Variants in PTPRD observed in about 807,000 individuals in gnomAD.
PTPRD encodes protein tyrosine phosphatase receptor type D, also known as receptor-type tyrosine-protein phosphatase delta.
Under a neutral mutation model 214.5 loss-of-function variants are expected in PTPRD, and 34 were observed. That is an observed-to-expected ratio of 0.16 (90% CI 0.12 to 0.21). PTPRD has a LOEUF of 0.21. Ranked by LOEUF, PTPRD falls within the 10% of genes least tolerant of loss-of-function variation. PTPRD has a pLI of 1.00. For synonymous variants in PTPRD, 1,128 were observed against 845.7 expected (o/e 1.33, Z -5.79); for missense variants, 2,545 against 2,398.7 (o/e 1.06, Z -1.27).
chr9:9,342,863 C>T (rs1212887888), intron 9 of PTPRD, among the ~76,000 whole-genome samples: 1 of 152,096 alleles, frequency 6.6e-6, no homozygotes, highest in African/African-American at 2.4e-5. Flanking sequence ...CTCCCCTAGC[C>T]CCCTACCCCG....
chr9:10,347,977 G>C (rs1165068596), intron 2 of PTPRD, among the ~76,000 whole-genome samples: 2 of 152,032 alleles, frequency 1.3e-5, no homozygotes, highest in Non-Finnish European at 2.9e-5. Context: ...AGAATCGCTT[G>C]AACCCAGGAG....
At chr9:10,139,892 G>A (rs1051174758) in intron 3 of PTPRD, among the ~76,000 whole-genome samples, 2 of 152,040 alleles carry the variant, frequency 1.3e-5, no homozygotes, top group Non-Finnish European at 2.9e-5. Context: ...ATTAACTTAT[G>A]ACAGATTAAT....
chr9:9,490,250 A>T (rs2095841861), intron 8 of PTPRD, among the ~76,000 whole-genome samples: 1 of 152,124 alleles, frequency 6.6e-6, no homozygotes, highest in African/African-American at 2.4e-5. Context: ...CTGCAAAAAA[A>T]GCTCAAGGGA....
chr9:9,030,517 C>T (rs375118), intron 10 of PTPRD, among the ~76,000 whole-genome samples: 1 of 151,694 alleles, frequency 6.6e-6, no homozygotes, highest in East Asian at 2.0e-4. Context: ...CATCTGGCTG[C>T]CTCTCTAGGA....
intron 8 of PTPRD, among the ~76,000 whole-genome samples, chr9:9,456,919 AAAC>A (rs2093087737): frequency 6.6e-6 from 1 of 151,700 alleles, no homozygotes; most frequent in Admixed American, 6.6e-5. Context: ...GGATAGGAAA[AAAC>A]AAAGTAAAGA....
At chr9:9,497,363 T>C (rs987259236) in intron 8 of PTPRD, among the ~76,000 whole-genome samples, 3 of 152,302 alleles carry the variant, frequency 2.0e-5, no homozygotes, top group Middle Eastern at 3.4e-3. Flanking sequence ...TTCTCTAGTC[T>C]ATATTTTGGT....
At chr9:9,838,764 A>G (rs567433626) in intron 5 of PTPRD, among the ~76,000 whole-genome samples, 31 of 152,220 alleles carry the variant, frequency 2.0e-4, no homozygotes, top group African/African-American at 7.2e-4. Context: ...GAAACTCTTT[A>G]GTTTAATTAG....
intron 11 of PTPRD, among the ~76,000 whole-genome samples, chr9:8,924,175 A>C (rs2154273904): frequency 6.6e-6 from 1 of 152,292 alleles, no homozygotes; most frequent in Middle Eastern, 3.4e-3. Context: ...TGCTTCTGAG[A>C]AAGGGAGTTT....
At chr9:10,269,160 T>C (rs2094276135) in intron 3 of PTPRD, among the ~76,000 whole-genome samples, 1 of 151,480 alleles carries the variant, frequency 6.6e-6, no homozygotes, top group African/African-American at 2.4e-5. Context: ...ACCTTGAACA[T>C]ACCAGATTAA....
chr9:9,863,084 G>C (rs1180239586), intron 5 of PTPRD, among the ~76,000 whole-genome samples: 2 of 152,106 alleles, frequency 1.3e-5, no homozygotes, highest in Admixed American at 6.5e-5. Flanking sequence ...ATATTTGAGT[G>C]CCTGAAGTAT....
chr9:9,942,535 A>T (rs186570673), intron 4 of PTPRD, among the ~76,000 whole-genome samples: 22 of 152,272 alleles, frequency 1.4e-4, no homozygotes, highest in African/African-American at 5.1e-4. Flanking sequence ...GTCAAGGGGC[A>T]AATGAATCTG....
intron 12 of PTPRD, 67 bp downstream of exon 12, chr9:8,733,713 G>C (rs2098686360): frequency 6.7e-7 from 1 of 1,487,062 alleles, no homozygotes; most frequent in Non-Finnish European, 9.2e-7. Context: ...CCCTGAGCCT[G>C]GTGCCAACTG....
chr9:10,607,147 G>T (rs1207532551), intron 2 of PTPRD, among the ~76,000 whole-genome samples: 2 of 151,764 alleles, frequency 1.3e-5, no homozygotes, highest in Non-Finnish European at 1.5e-5. Flanking sequence ...AGCATCTAAT[G>T]TAAGTAAATG....
chr9:9,933,813 A>C (rs1384607345), intron 5 of PTPRD, among the ~76,000 whole-genome samples: 2 of 149,590 alleles, frequency 1.3e-5, no homozygotes, highest in Admixed American at 6.6e-5. Context: ...TCCAAAATTG[A>C]CCACATACTT....
At chr9:8,617,195 A>G (rs2095641293) in intron 14 of PTPRD, among the ~76,000 whole-genome samples, 2 of 152,148 alleles carry the variant, frequency 1.3e-5, no homozygotes, top group African/African-American at 4.8e-5. Context: ...TCAATGAGTA[A>G]TAACAGCAAT....
At chr9:9,725,975 C>A (rs2098083126) in intron 7 of PTPRD, among the ~76,000 whole-genome samples, 4 of 152,062 alleles carry the variant, frequency 2.6e-5, no homozygotes, top group Admixed American at 2.6e-4. Context: ...CAAATCCCAA[C>A]CAAGCCAGCG....
chr9:8,496,197 C>A (rs999090166), intron 26 of PTPRD, among the ~76,000 whole-genome samples: 10 of 146,730 alleles, frequency 6.8e-5, no homozygotes, highest in African/African-American at 2.5e-4. Flanking sequence ...CACACACACA[C>A]ACACACACAC....
intron 2 of PTPRD, among the ~76,000 whole-genome samples, chr9:10,366,692 C>T (rs1598240252): frequency 6.6e-6 from 1 of 152,096 alleles, no homozygotes; most frequent in East Asian, 1.9e-4. Context: ...TAATGAACCT[C>T]CATTTGCTCA....
chr9:10,473,665 T>G (rs958520344), intron 2 of PTPRD, among the ~76,000 whole-genome samples: 2 of 152,088 alleles, frequency 1.3e-5, no homozygotes, highest in Non-Finnish European at 2.9e-5. Context: ...CTCAATATTT[T>G]GCAAATCCCA....
Sources: gnomAD v4.1 joint callset for allele counts (sites outside exome capture counted in the v4.1 genomes callset) on GRCh38, gnomAD v4.1.1 for gene constraint, MANE v1.5 for transcripts, NCBI Gene and HGNC (gene_info 2026-07-23, HGNC 2026-07-21) for gene names.